The following NECAB3 variants were observed in gnomAD, a reference collection of about 807,000 sequenced individuals.
NECAB3 encodes N-terminal EF-hand calcium-binding protein 3.
Under a neutral mutation model 57.2 loss-of-function variants are expected in NECAB3, and 38 were observed. The observed-to-expected ratio is 0.66, with a 90% CI of 0.51 to 0.87. NECAB3 has a LOEUF of 0.87. Among genes scored for constraint, NECAB3 ranks in the 40% least tolerant of loss-of-function variants. The pLI, the probability that NECAB3 is intolerant of heterozygous loss-of-function variation, is 0.00. For missense variants in NECAB3, 474 were observed against 527.5 expected (o/e 0.90, Z 0.99); for synonymous variants, 223 against 222.6 (o/e 1.00, Z -0.02).
Position 33,660,045 on chromosome 20 carries a change from A to T in NECAB3, c.525-42T>A. ...TCACAGGGCCGAGGACTGGGGCCCC[A>T]GGACGGGATAAGCCTGGGTGGGGAA... is the stretch of plus-strand genomic sequence containing the variant. On this transcript the variant is annotated intron_variant, in intron 6 of 11. Transcript: ENST00000246190. The surrounding 1 kb of genome is among the most constrained non-coding windows in gnomAD (Gnocchi z 4.1). 6.4e-7 allele frequency: 1 copy of T among 1,556,796 alleles called. No homozygotes were observed. The highest frequency in any genetic ancestry group is 8.7e-7 in the Non-Finnish European group (1 of 1,151,330).
At chr20:33,667,415 G>A in intron 5 of NECAB3, 1 of 1,408,834 alleles carries the variant, frequency 7.1e-7, no homozygotes, top group East Asian at 2.7e-5. Context: ...GTGCTGGTGA[G>A]CGACTCGCCG....
At chr20:33,667,880 T>C in intron 5 of NECAB3, 2 of 1,595,004 alleles carry the variant, frequency 1.3e-6, no homozygotes, top group Non-Finnish European at 8.5e-7. Flanking sequence ...GAACCCATCT[T>C]CCAGCCGGGC....
At chr20:33,667,695 C>G (rs772228777) in intron 5 of NECAB3, 3 of 1,612,148 alleles carry the variant, frequency 1.9e-6, no homozygotes, top group Non-Finnish European at 2.5e-6. Context: ...CGAACCCTGA[C>G]CTCTTGCAGC....
intron 3 of NECAB3, 66 bp from the exon 4 acceptor site, chr20:33,669,778 G>A: frequency 2.7e-6 from 4 of 1,493,766 alleles, no homozygotes; most frequent in Non-Finnish European, 3.6e-6. Flanking sequence ...TGGGGCCAAT[G>A]CCCCACATCC....
In NECAB3 at chr20:33,660,174, G is replaced by A; in HGVS notation, c.524+85C>T. On this transcript the variant is annotated intron_variant, in intron 6 of 11. Transcript: ENST00000246190. The surrounding 1 kb of genome is among the most constrained non-coding windows in gnomAD (Gnocchi z 4.1). ...TCCCCGCCCGAAAATGCAGGCTCCA[G>A]GATGCTGGGACTGTGGGGATTTGGA... 7.0e-6 allele frequency: 11 copies of A among 1,562,312 alleles called. No individual in the cohort carries two copies. Among genetic ancestry groups the A allele is most frequent in the Non-Finnish European group, 8.7e-6 (10 of 1,151,830 alleles).
At position 33,663,670 on chromosome 20, in the gene NECAB3, C is replaced by G. The variant is rs1188522036; in HGVS notation, c.388-3275G>C. Reference sequence around the variant, plus strand: ...GCGCGGAGCGGGCGAAGGTAGCGAGCGCGAGCCGAGGATGCCGGTACTGCT... The same window carrying G: ...GCGCGGAGCGGGCGAAGGTAGCGAGGGCGAGCCGAGGATGCCGGTACTGCT... On this transcript the variant is annotated intron_variant, in intron 5 of 11. Coordinates refer to ENST00000246190, the MANE Select transcript of NECAB3 (RefSeq NM_031232.4). The G allele has an allele frequency of 1.9e-6, 3 of 1,571,658 alleles. No individual in the cohort carries two copies. In the African/African-American group the frequency reaches 4.1e-5, roughly 21 times the overall value.
chr20:33,662,856 C>A (rs1300398259), intron 5 of NECAB3: 15 of 209,232 alleles, frequency 7.2e-5, no homozygotes, highest in Non-Finnish European at 9.9e-6. Context: ...ACTACGTGAG[C>A]CCAGGAGGTC....
intron 5 of NECAB3, chr20:33,664,793 G>A (rs1347351628): frequency 6.6e-6 from 1 of 152,290 alleles, no homozygotes; most frequent in Non-Finnish European, 1.5e-5. Context: ...CCACACTCTG[G>A]TGACCAACCT....
intron 5 of NECAB3, chr20:33,667,490 C>CGTGCCACATGGCTA: frequency 6.8e-7 from 1 of 1,478,966 alleles, no homozygotes; most frequent in South Asian, 1.3e-5. Flanking sequence ...GCAGTGCCCG[C>CGTGCCACATGGCTA]GTGCCACATG....
Position 33,658,539 on chromosome 20 carries a change from C to T in NECAB3, c.1008G>A (p.Lys336=). ...QSHCLHVSAQ[K]MLDGASFTLY... is the part of the protein sequence containing the mutation. ...GGGTGAAGGAGGCACCGTCCAGCAT[C>T]TTCTGGGCGGACACACTGTAGGGCC... The change falls in exon 10 of 12, where the codon AAG becomes AAA. Residue 336 remains lysine, a synonymous_variant. Coordinates refer to ENST00000246190, the MANE Select transcript of NECAB3 (RefSeq NM_031232.4). 1 of 1,614,106 alleles carries T rather than the reference C, an allele frequency of 6.2e-7. No individual in the cohort carries two copies. Among genetic ancestry groups the T allele is most frequent in the South Asian group, 1.1e-5 (1 of 91,072 alleles).
At chr20:33,664,292 C>G (rs146467962) in intron 5 of NECAB3, 2 of 168,706 alleles carry the variant, frequency 1.2e-5, no homozygotes, top group Non-Finnish European at 2.5e-5. Context: ...GGAGGGTTCC[C>G]GGCCAACAGG....
chr20:33,672,150 G>C (rs921830866), intron 2 of NECAB3: 25 of 571,678 alleles, frequency 4.4e-5, no homozygotes, highest in African/African-American at 4.3e-4. Flanking sequence ...CACCATGCCA[G>C]GGTGCTGTGT....
At position 33,659,871 on chromosome 20, in the gene NECAB3, C is replaced by T. The variant is rs766826687; in HGVS notation, c.643+14G>A. On this transcript the variant is annotated intron_variant, in intron 7 of 11. Coordinates refer to ENST00000246190, the MANE Select transcript of NECAB3 (RefSeq NM_031232.4). ...CCTGCCTCGGCCAGGCCTCCCACCC[C>T]ACCCCAGGCGCACCTGTGTCAGAAG... 12 of 1,541,942 alleles carry T rather than the reference C, an allele frequency of 7.8e-6. No homozygotes were observed. In the South Asian group the frequency reaches 1.4e-4, roughly 18 times the overall value.
At chr20:33,672,114 G>A (rs1018769216) in intron 2 of NECAB3, 16 of 520,606 alleles carry the variant, frequency 3.1e-5, no homozygotes, top group African/African-American at 2.5e-4. Flanking sequence ...GAGGACAACA[G>A]AGGGCCACGT....
intron 1 of NECAB3, among the ~76,000 whole-genome samples, chr20:33,673,415 A>C (rs1276164476): frequency 6.6e-6 from 1 of 152,190 alleles, no homozygotes; most frequent in Non-Finnish European, 1.5e-5. Context: ...CAAGCCAGGG[A>C]GGCCCAGGTA....
intron 2 of NECAB3, among the ~76,000 whole-genome samples, chr20:33,671,127 T>C (rs1367959031): frequency 6.6e-6 from 1 of 152,204 alleles, no homozygotes; most frequent in Non-Finnish European, 1.5e-5. Flanking sequence ...AGGGCCTAGA[T>C]GTCACCTGGA....
At chr20:33,662,452 T>C (rs909320290) in intron 5 of NECAB3, 1 of 1,551,628 alleles carries the variant, frequency 6.4e-7, no homozygotes, top group East Asian at 2.4e-5. Flanking sequence ...CTCAACCACC[T>C]CACTCGGAAG....
In NECAB3 at chr20:33,669,459, C is replaced by T; in HGVS notation, c.303G>A (p.Glu101=). The T allele has an allele frequency of 6.2e-7, 1 of 1,613,726 alleles. No individual in the cohort carries two copies. Among genetic ancestry groups the T allele is most frequent in the Non-Finnish European group, 8.5e-7 (1 of 1,180,024 alleles). The change falls in exon 5 of 12, where the codon GAG becomes GAA. Residue 101 remains glutamate (E), a synonymous_variant. Transcript: ENST00000246190. ...GCACCGGCCGGTAGACACCCAGGTGCTCTGAGAAGTAGTCTGCAGGCAGAA... is the reference window on the plus strand; with the variant it reads ...GCACCGGCCGGTAGACACCCAGGTGTTCTGAGAAGTAGTCTGCAGGCAGAA... ...ETEKLCDYFS[E]HLGVYRPVLA...
intron 1 of NECAB3, 64 bp from the exon 2 acceptor site, chr20:33,672,486 C>T: frequency 6.2e-7 from 1 of 1,601,894 alleles, no homozygotes; most frequent in Non-Finnish European, 8.6e-7. Context: ...GGCCCCCACT[C>T]AACCCGACAG....
Sources: gnomAD v4.1 joint callset for allele counts (sites outside exome capture counted in the v4.1 genomes callset) on GRCh38, gnomAD v4.1.1 for gene constraint, Gnocchi (gnomAD v3.1) non-coding constraint, MANE v1.5 for transcripts, NCBI Gene and HGNC (gene_info 2026-07-23, HGNC 2026-07-21) for gene names.